CDK14: variants seen among roughly 807,000 people sequenced by gnomAD.
The protein encoded by CDK14 is cyclin dependent kinase 14.
Under a neutral mutation model 60.7 loss-of-function variants are expected in CDK14, and 34 were observed. The ratio of observed to expected loss-of-function variants is 0.56; its 90% confidence interval spans 0.43 to 0.75. The LOEUF is 0.75. CDK14 is among the 30% of genes least tolerant of loss of function. CDK14 has a pLI of 0.00. For missense variants in CDK14, 482 were observed against 564.1 expected, an observed-to-expected ratio of 0.85 and a Z score of 1.47; for synonymous variants, 197 against 203.7, an observed-to-expected ratio of 0.97 and a Z score of 0.28.
At chr7:90,983,973 C>T (rs1795311029) in intron 9 of CDK14, among the ~76,000 whole-genome samples, 175 bp from the exon 10 acceptor site, 1 of 152,064 alleles carries the variant, frequency 6.6e-6, no homozygotes, top group African/African-American at 2.4e-5. Context: ...ACATAATATA[C>T]CCATGTAACA....
At chr7:91,029,332 TTA>T (rs971883813) in intron 10 of CDK14, among the ~76,000 whole-genome samples, 1 of 152,172 alleles carries the variant, frequency 6.6e-6, no homozygotes, top group Non-Finnish European at 1.5e-5. Flanking sequence ...AATTGTAGGA[TTA>T]TTTTTTCTAA....
At chr7:90,637,995 T>TCTTC (rs200779311) in intron 2 of CDK14, among the ~76,000 whole-genome samples, 2 of 125,840 alleles carry the variant, frequency 1.6e-5, no homozygotes, top group African/African-American at 6.2e-5. Flanking sequence ...TGGTAGATCT[T>TCTTC]CATCCTTTTA....
At chr7:90,963,086 AGTGTGTGTGTGT>A (rs34662049) in intron 9 of CDK14, among the ~76,000 whole-genome samples, 13 of 142,080 alleles carry the variant, frequency 9.1e-5, no homozygotes, top group African/African-American at 2.9e-4. Context: ...TCATCTTAAG[AGTGTGTGTGTGT>A]GTGTGTGTGT....
At chr7:90,775,768 C>A (rs941542429) in intron 4 of CDK14, among the ~76,000 whole-genome samples, 1 of 110,690 alleles carries the variant, frequency 9.0e-6, no homozygotes, top group Admixed American at 1.0e-4. Flanking sequence ...TCCTCTTTCT[C>A]CCCCCCACCC....
intron 2 of CDK14, chr7:90,710,250 T>C (rs1802011620): frequency 5.1e-6 from 5 of 985,322 alleles, no homozygotes; most frequent in Non-Finnish European, 6.0e-6. Flanking sequence ...GTTTAACGAC[T>C]GCTTCTTTGC....
intron 6 of CDK14, among the ~76,000 whole-genome samples, chr7:90,881,985 A>T (rs974347599): frequency 3.9e-5 from 6 of 152,172 alleles, no homozygotes; most frequent in African/African-American, 1.4e-4. Context: ...GCAAAAATAC[A>T]CCAAAATATA....
At chr7:90,785,551 C>T (rs930327776) in intron 4 of CDK14, among the ~76,000 whole-genome samples, 11 of 151,824 alleles carry the variant, frequency 7.2e-5, no homozygotes, top group African/African-American at 1.7e-4. Flanking sequence ...TATGGGAGGC[C>T]GAGATGGGCA....
At chr7:90,986,201 A>T (rs1447190692) in intron 10 of CDK14, among the ~76,000 whole-genome samples, 1 of 152,082 alleles carries the variant, frequency 6.6e-6, no homozygotes, top group Non-Finnish European at 1.5e-5. Flanking sequence ...GTTTCATTAT[A>T]TGGATGAGAC....
At chr7:90,974,363 A>G (rs1795010621) in intron 9 of CDK14, among the ~76,000 whole-genome samples, 1 of 152,158 alleles carries the variant, frequency 6.6e-6, no homozygotes, top group African/African-American at 2.4e-5. Context: ...GAGGCGACAT[A>G]CATCCTCAGC....
At chr7:90,929,952 A>G (rs971808582) in intron 8 of CDK14, among the ~76,000 whole-genome samples, 1 of 152,214 alleles carries the variant, frequency 6.6e-6, no homozygotes, top group African/African-American at 2.4e-5. Context: ...TGCAAATATT[A>G]CTTTTTATAT....
At chr7:91,150,499 T>G (rs1800801129) in intron 14 of CDK14, among the ~76,000 whole-genome samples, 1 of 152,222 alleles carries the variant, frequency 6.6e-6, no homozygotes, top group Non-Finnish European at 1.5e-5. Flanking sequence ...TGTGTATGTG[T>G]GTGTTTCTAC....
chr7:91,110,099 A>G (rs567752596), intron 12 of CDK14, among the ~76,000 whole-genome samples: 17 of 152,266 alleles, frequency 1.1e-4, no homozygotes, highest in South Asian at 4.1e-4. Flanking sequence ...GATATCATAC[A>G]TGGATTCCCA....
chr7:91,205,170 G>A (rs1392699354), intron 14 of CDK14, among the ~76,000 whole-genome samples: 1 of 152,108 alleles, frequency 6.6e-6, no homozygotes, highest in Non-Finnish European at 1.5e-5. Context: ...ATATGACCTA[G>A]CTATTCCACT....
At chr7:90,647,796 C>T (rs1049261703) in intron 2 of CDK14, among the ~76,000 whole-genome samples, 1 of 152,068 alleles carries the variant, frequency 6.6e-6, no homozygotes, top group East Asian at 1.9e-4. Context: ...TTCGAGGCTG[C>T]AGTGAGCTAT....
chr7:91,073,547 A>G (rs906984082), intron 11 of CDK14, among the ~76,000 whole-genome samples: 1 of 152,172 alleles, frequency 6.6e-6, no homozygotes, highest in African/African-American at 2.4e-5. Flanking sequence ...ACTGCAAAAA[A>G]CACACCAAAA....
intron 3 of CDK14, among the ~76,000 whole-genome samples, chr7:90,744,154 G>GCGGCCTTC (rs1356204512): frequency 1.3e-5 from 2 of 152,192 alleles, no homozygotes; most frequent in African/African-American, 4.8e-5. Flanking sequence ...AGAGGACCCT[G>GCGGCCTTC]CGGCCTTCCG....
At chr7:90,781,954 A>G (rs1805345224) in intron 4 of CDK14, among the ~76,000 whole-genome samples, 1 of 152,120 alleles carries the variant, frequency 6.6e-6, no homozygotes, top group Admixed American at 6.5e-5. Flanking sequence ...TTCTGTGCAG[A>G]AAGTCATTGG....
intron 14 of CDK14, among the ~76,000 whole-genome samples, chr7:91,188,620 G>A (rs1315898701): frequency 6.6e-6 from 1 of 152,166 alleles, no homozygotes; most frequent in Non-Finnish European, 1.5e-5. Context: ...TTTAGAGTAA[G>A]AATTTCAGAA....
In CDK14 at chr7:90,726,703, C is replaced by T; in HGVS notation, c.260C>T (p.Ala87Val). Residue 87 changes from alanine (A) to valine (V), a missense_variant, in exon 3 of 15, where the codon GCT (alanine) becomes GTT (valine). Ala to Val is a moderately conservative substitution (Grantham distance 64). Transcript: ENST00000380050. ...ACTTTTGACCCATTTGAGAAACCAGCTAATCAAGTAAAGAGGGTGCATTCT... is the reference window on the plus strand; with the variant it reads ...ACTTTTGACCCATTTGAGAAACCAGTTAATCAAGTAAAGAGGGTGCATTCT... Reference protein sequence around the residue: ...QSTFDPFEKPANQVKRVHSEN... With the variant: ...QSTFDPFEKPVNQVKRVHSEN... 1 of 1,613,844 alleles carries T rather than the reference C, an allele frequency of 6.2e-7. No homozygotes were observed. The highest frequency in any genetic ancestry group is 8.5e-7 in the Non-Finnish European group (1 of 1,179,818).
Sources: gnomAD v4.1 joint callset for allele counts (sites outside exome capture counted in the v4.1 genomes callset) on GRCh38, gnomAD v4.1.1 for gene constraint, MANE v1.5 for transcripts, NCBI Gene and HGNC (gene_info 2026-07-23, HGNC 2026-07-21) for gene names.